Variants in FHOD3 observed in about 807,000 individuals in gnomAD.
The protein encoded by FHOD3 is FH1/FH2 domain-containing protein 3.
In FHOD3, 90 loss-of-function variants were observed where a neutral mutation model predicts 173.0. The ratio of observed to expected loss-of-function variants is 0.52; its 90% CI spans 0.44 to 0.62. The LOEUF (loss-of-function observed/expected upper bound fraction) is 0.62. Among genes scored for constraint, FHOD3 ranks in the 20% least tolerant of loss-of-function variants. The pLI, the probability that FHOD3 is intolerant of heterozygous loss-of-function variation, is 0.00. For missense variants in FHOD3, 1,945 were observed against 2,034.7 expected, an observed-to-expected ratio of 0.96 and a Z score of 0.85; for synonymous variants, 828 against 823.0, an observed-to-expected ratio of 1.01 and a Z score of -0.10.
chr18:36,595,312 C>A (rs2030144791), intron 7 of FHOD3, among the ~76,000 whole-genome samples: 1 of 152,146 alleles, frequency 6.6e-6, no homozygotes, highest in African/African-American at 2.4e-5. Flanking sequence ...CCATCCCCTG[C>A]CCTGCCTTAC....
intron 19 of FHOD3, among the ~76,000 whole-genome samples, chr18:36,727,228 G>A (rs2041122690): frequency 6.6e-6 from 1 of 152,140 alleles, no homozygotes; most frequent in Admixed American, 6.5e-5. Context: ...TGAGGCTTTG[G>A]CTCAGAAGGA....
At chr18:36,514,797 C>T (rs957291046) in intron 5 of FHOD3, among the ~76,000 whole-genome samples, 3 of 152,176 alleles carry the variant, frequency 2.0e-5, no homozygotes, top group East Asian at 1.9e-4. Context: ...CAACTCTGCC[C>T]GCTGTGGTCA....
At chr18:36,686,757 T>TCCTCCAAAAGCTC (rs1241635575) in intron 15 of FHOD3, among the ~76,000 whole-genome samples, 5 of 152,180 alleles carry the variant, frequency 3.3e-5, no homozygotes, top group African/African-American at 1.2e-4. Context: ...CTACCAGAGC[T>TCCTCCAAAAGCTC]CAACTGGATG....
At chr18:36,551,778 G>C (rs934076848) in intron 5 of FHOD3, among the ~76,000 whole-genome samples, 1 of 152,070 alleles carries the variant, frequency 6.6e-6, no homozygotes, top group Non-Finnish European at 1.5e-5. Context: ...TCTTGTTTTT[G>C]TCAGGTTTGT....
intron 28 of FHOD3, among the ~76,000 whole-genome samples, chr18:36,776,403 A>G (rs2043657083): frequency 6.6e-6 from 1 of 152,136 alleles, no homozygotes; most frequent in Non-Finnish European, 1.5e-5. Context: ...CCAAACACCC[A>G]AAGGGGCTCT....
In FHOD3 at chr18:36,592,893, C is replaced by T. The variant is rs186053047; in HGVS notation, c.607-1894C>T. 1.3e-3 allele frequency among the ~76,000 whole-genome samples: 199 copies of T among 152,254 alleles called. 1 individual carries two copies. Among genetic ancestry groups the T allele is most frequent in the African/African-American group, 4.4e-3 (181 of 41,552 alleles). ...ATGTCAGGAGATTATATGATGCCTGCTCAGGAGTTTGGTCAGGCCTGGAGT... is the reference window on the plus strand; with the variant it reads ...ATGTCAGGAGATTATATGATGCCTGTTCAGGAGTTTGGTCAGGCCTGGAGT... On this transcript the variant is annotated intron_variant, in intron 6 of 28. Coordinates refer to ENST00000590592, the MANE Select transcript of FHOD3 (RefSeq NM_001281740.3).
rs550001973 is a variant in FHOD3 at position 36,517,277 on chromosome 18, G to A, written c.511+4734G>A. Among the ~76,000 whole-genome samples the A allele has an allele frequency of 3.3e-5, 5 of 152,300 alleles. No individual in the cohort carries two copies. In the East Asian group the frequency reaches 9.7e-4, roughly 29 times the overall value. ...ATTATTCTTATAGAAGGAGGACCTA[G>A]AGTGGTATATTGCTGGGAACTTAAA... On this transcript the variant is annotated intron_variant, in intron 5 of 28. Coordinates refer to ENST00000590592, the MANE Select transcript of FHOD3 (RefSeq NM_001281740.3).
intron 5 of FHOD3, among the ~76,000 whole-genome samples, chr18:36,562,253 A>T (rs1261555507): frequency 6.6e-6 from 1 of 152,012 alleles, no homozygotes; most frequent in Non-Finnish European, 1.5e-5. Flanking sequence ...CTGACCTCAG[A>T]TGATCCACCT....
rs2039069305 is a variant in FHOD3 at position 36,693,254 on chromosome 18, G to T, written c.2067G>T (p.Glu689Asp). The stretch of plus-strand genomic sequence containing the variant: ...TGGCAGCTGAGGAGCACGAGAAGGA[G>T]CTGAGAAGCCGGAGTGTGAGCCGGG... Reference protein sequence around the residue: ...EQLAAEEHEKELRSRSVSRGR... With the variant: ...EQLAAEEHEKDLRSRSVSRGR... Residue 689 changes from glutamate (E) to aspartate (D), a missense_variant, in exon 17 of 29, where the codon GAG becomes GAT. Around this residue, in one of 5 missense-constraint regions of FHOD3, gnomAD observed 1,099 missense variants for 1,051.2 expected, o/e 1.05. Transcript: ENST00000590592. The T allele has an allele frequency of 6.2e-7, 1 of 1,613,744 alleles. No homozygotes were observed. Among genetic ancestry groups the T allele is most frequent in the Non-Finnish European group, 8.5e-7 (1 of 1,179,860 alleles).
chr18:36,346,101 C>T (rs1167735423), intron 1 of FHOD3, among the ~76,000 whole-genome samples: 2 of 152,224 alleles, frequency 1.3e-5, no homozygotes, highest in Admixed American at 1.3e-4. Flanking sequence ...CACAGTGGCT[C>T]ATGCCTGTAA....
At chr18:36,386,806 A>G (rs1299811990) in intron 3 of FHOD3, among the ~76,000 whole-genome samples, 1 of 152,036 alleles carries the variant, frequency 6.6e-6, no homozygotes, top group Non-Finnish European at 1.5e-5. Flanking sequence ...GGCCTTCATC[A>G]GGACTCATAG....
At chr18:36,575,062 C>T (rs2058598392) in intron 5 of FHOD3, among the ~76,000 whole-genome samples, 1 of 152,022 alleles carries the variant, frequency 6.6e-6, no homozygotes, top group South Asian at 2.1e-4. Flanking sequence ...CCTCCGCCTC[C>T]TGGGTTCAAG....
chr18:36,446,693 C>A (rs535384509), intron 3 of FHOD3, among the ~76,000 whole-genome samples: 1 of 152,250 alleles, frequency 6.6e-6, no homozygotes, highest in East Asian at 1.9e-4. Context: ...CCAGTTCATA[C>A]GCAAACTTGG....
chr18:36,414,571 C>T (rs751576669), intron 3 of FHOD3, among the ~76,000 whole-genome samples: 16 of 152,172 alleles, frequency 1.1e-4, no homozygotes, highest in Non-Finnish European at 1.9e-4. Flanking sequence ...CTTGTCCACC[C>T]GCATCAACTC....
chr18:36,725,731 CA>C (rs1248583140), intron 19 of FHOD3, among the ~76,000 whole-genome samples: 8 of 152,210 alleles, frequency 5.3e-5, no homozygotes, highest in Non-Finnish European at 1.0e-4. Flanking sequence ...TCATAATGTT[CA>C]CTCGCCATAT....
At chr18:36,657,457 C>T (rs1296404464) in intron 13 of FHOD3, among the ~76,000 whole-genome samples, 1 of 152,176 alleles carries the variant, frequency 6.6e-6, no homozygotes, top group East Asian at 1.9e-4. Flanking sequence ...ATCATCAAAT[C>T]TCATGTAAAC....
At chr18:36,362,740 T>C (rs1285186488) in intron 2 of FHOD3, among the ~76,000 whole-genome samples, 1 of 152,210 alleles carries the variant, frequency 6.6e-6, no homozygotes, top group African/African-American at 2.4e-5. Context: ...ACCCAGGTGT[T>C]GTCCATCAGT....
intron 5 of FHOD3, among the ~76,000 whole-genome samples, chr18:36,542,054 T>C (rs1406933893): frequency 6.6e-6 from 1 of 152,242 alleles, no homozygotes; most frequent in Non-Finnish European, 1.5e-5. Flanking sequence ...GTTTTACAAA[T>C]GGGAATTTGG....
intron 5 of FHOD3, among the ~76,000 whole-genome samples, chr18:36,554,200 T>C (rs1357216771): frequency 5.9e-5 from 9 of 152,164 alleles, no homozygotes; most frequent in Admixed American, 5.9e-4. Context: ...ATGTTTATTG[T>C]GGCACTATTC....
Sources: allele counts gnomAD v4.1 joint callset (sites outside exome capture counted in the v4.1 genomes callset), GRCh38; gene constraint gnomAD v4.1.1; regional missense constraint gnomAD v4.1.1; transcripts MANE v1.5; gene names NCBI Gene and HGNC (gene_info 2026-07-23, HGNC 2026-07-21).